PLXNB1: variants seen among roughly 807,000 people sequenced by gnomAD.
The protein encoded by PLXNB1 is plexin-B1.
In PLXNB1, 106 loss-of-function variants were observed where a neutral mutation model predicts 209.4. That is an observed-to-expected ratio of 0.51 (90% CI 0.43 to 0.59). The LOEUF (loss-of-function observed/expected upper bound fraction) is 0.59. Ranked by LOEUF, PLXNB1 falls within the 20% of genes least tolerant of loss-of-function variation. PLXNB1 has a pLI of 0.00. For missense variants in PLXNB1, 2,357 were observed against 2,853.2 expected, an observed-to-expected ratio of 0.83 and a Z score of 3.96; for synonymous variants, 1,167 against 1,183.2, an observed-to-expected ratio of 0.99 and a Z score of 0.28.
chr3:48,424,695 C>T, intron 2 of PLXNB1, 78 bp from the exon 3 acceptor site: 2 of 1,422,430 alleles, frequency 1.4e-6, no homozygotes, highest in Non-Finnish European at 1.9e-6. Flanking sequence ...AGGGATAGGA[C>T]TGTGGCATTG....
At chr3:48,427,910 G>A (rs539944042) in intron 1 of PLXNB1, among the ~76,000 whole-genome samples, 1 of 152,318 alleles carries the variant, frequency 6.6e-6, no homozygotes, top group South Asian at 2.1e-4. Context: ...AGATTTCCTA[G>A]TTGTACAATG....
chr3:48,427,850 G>A (rs567252828), intron 1 of PLXNB1, among the ~76,000 whole-genome samples: 126 of 152,314 alleles, frequency 8.3e-4, no homozygotes, highest in African/African-American at 2.7e-3. Flanking sequence ...GACACACCTA[G>A]CCACCACCCT....
At position 48,419,310 on chromosome 3, in the gene PLXNB1, G is replaced by A; in HGVS notation, c.2766C>T (p.Ser922=). 1.9e-6 allele frequency: 3 copies of A among 1,598,608 alleles called. No homozygotes were observed. Among genetic ancestry groups the A allele is most frequent in the South Asian group, 1.1e-5 (1 of 89,898 alleles). The change falls in exon 12 of 38, where the codon TCC becomes TCT. Residue 922 remains serine, a synonymous_variant. Coordinates refer to ENST00000296440, the MANE Select transcript of PLXNB1 (RefSeq NM_001130082.3). The surrounding 1 kb of genome is among the most constrained non-coding windows in gnomAD (Gnocchi z 5.7). ...GCTCCACATGGACCGGCATCAACGT[G>A]GAGCCCTGAACGCTCTCCACACAGG... ...SCPCVESVQG[S]TLMPVHVERE... is the part of the protein sequence containing the mutation.
In PLXNB1 at chr3:48,409,904, C is replaced by G; in HGVS notation, c.5778+1G>C. 1 of 1,609,324 alleles carries G rather than the reference C, an allele frequency of 6.2e-7. No homozygotes were observed. The highest frequency in any genetic ancestry group is 8.5e-7 in the Non-Finnish European group (1 of 1,178,112). On this transcript the variant is annotated splice_donor_variant, in intron 32 of 37. Coordinates refer to ENST00000296440, the MANE Select transcript of PLXNB1 (RefSeq NM_001130082.3). LOFTEE classifies it high-confidence loss of function. This position sits in a 1 kb window ranked among gnomAD's most constrained non-coding sequence, Gnocchi z 5.8. ...CCACTACCTTGGCAGCCCCACCCCA[C>G]CTTCATGGACAGCAGGCGGGTCAGG...
chr3:48,409,733 T>C lies in PLXNB1; in HGVS notation c.5779-2A>G. 1 of 1,612,942 alleles carries C rather than the reference T, an allele frequency of 6.2e-7. No individual in the cohort carries two copies. The highest frequency in any genetic ancestry group is 8.5e-7 in the Non-Finnish European group (1 of 1,179,630). On this transcript the variant is annotated splice_acceptor_variant, in intron 32 of 37. Coordinates refer to ENST00000296440, the MANE Select transcript of PLXNB1 (RefSeq NM_001130082.3). LOFTEE classifies it high-confidence loss of function. This position sits in a 1 kb window ranked among gnomAD's most constrained non-coding sequence, Gnocchi z 5.8. ...ATCCACGAACTTCTGCAGGGTGCCC[T>C]GTGGGAAGGAAGAAGCAGAGAGGTG...
rs1290754623 is a variant in PLXNB1 at position 48,410,448 on chromosome 3, C to T, written c.5520+7G>A. The T allele has an allele frequency of 5.0e-6, 8 of 1,613,354 alleles. No individual in the cohort carries two copies. The South Asian group carries it at 5.5e-5, about 11-fold the overall frequency. On this transcript the variant is annotated splice_region_variant and intron_variant, in intron 30 of 37. Transcript: ENST00000296440. This position sits in a 1 kb window ranked among gnomAD's most constrained non-coding sequence, Gnocchi z 6.4. ...CCATGCCCTCCTCCAGCTCCCACTC[C>T]TCCTACCTTGTAATGCTGCAGTGTG...
chr3:48,413,893 A>G lies in PLXNB1; in HGVS notation c.4386+2T>C. On this transcript the variant is annotated splice_donor_variant, in intron 22 of 37. Coordinates refer to ENST00000296440, the MANE Select transcript of PLXNB1 (RefSeq NM_001130082.3). LOFTEE classifies it high-confidence loss of function. This position sits in a 1 kb window ranked among gnomAD's most constrained non-coding sequence, Gnocchi z 5.4. ...AGCCCGGCCAGGGACCTGCCCACTGACCGTGAACTCAGGCAAAGAGTCAGG... is the reference window on the plus strand; with the variant it reads ...AGCCCGGCCAGGGACCTGCCCACTGGCCGTGAACTCAGGCAAAGAGTCAGG... 1 of 1,607,936 alleles carries G rather than the reference A, an allele frequency of 6.2e-7. No homozygotes were observed. The highest frequency in any genetic ancestry group is 8.5e-7 in the Non-Finnish European group (1 of 1,176,040).
rs60044671 is a variant in PLXNB1, at chr3:48,409,848, C to T, written c.5778+57G>A. ...AGCCCCACACCACCCCCAAATCCCA[C>T]GAGTGGCCATGCTCCCTCTCAGCCC... On this transcript the variant is annotated intron_variant, in intron 32 of 37. Transcript: ENST00000296440. This position sits in a 1 kb window ranked among gnomAD's most constrained non-coding sequence, Gnocchi z 5.8. 1.1e-5 allele frequency: 18 copies of T among 1,580,180 alleles called. No individual in the cohort carries two copies. The highest frequency in any genetic ancestry group is 6.8e-5 in the South Asian group (6 of 87,770).
chr3:48,429,266 C>A lies in PLXNB1; in HGVS notation c.-60+742G>T, dbSNP rs2039062951. On this transcript the variant is annotated intron_variant, in intron 1 of 37. Coordinates refer to ENST00000296440, the MANE Select transcript of PLXNB1 (RefSeq NM_001130082.3). The surrounding 1 kb of genome is among the most constrained non-coding windows in gnomAD (Gnocchi z 6.4). ...CCCCGCACTCACCACCCGGCCGGGC[C>A]CCGCGGGATGTGCGCGCCGAGGCGG... is the stretch of plus-strand genomic sequence containing the variant. 1 of 151,858 alleles carries A rather than the reference C, an allele frequency of 6.6e-6. No individual in the cohort carries two copies. The allele number at this position is 151,858 out of a possible 1,614,324, so 9.4% of individuals were successfully genotyped here.
Position 48,429,609 on chromosome 3 carries a change from C to A in PLXNB1, c.-60+399G>T, listed in dbSNP as rs2039085527. On this transcript the variant is annotated intron_variant, in intron 1 of 37. Transcript: ENST00000296440. The surrounding 1 kb of genome is among the most constrained non-coding windows in gnomAD (Gnocchi z 6.4). The stretch of plus-strand genomic sequence containing the variant: ...TCCAGCCCCGCGGGCTCCGCATCGG[C>A]CGAGGGCTGGGGACCCGACCCCTCC... 1 of 151,736 alleles carries A rather than the reference C, an allele frequency of 6.6e-6. No homozygotes were observed. The highest frequency in any genetic ancestry group is 1.5e-5 in the Non-Finnish European group (1 of 67,900). The allele number at this position is 151,736 out of a possible 1,614,324, so 9.4% of individuals were successfully genotyped here. A position where few individuals can be genotyped will look rare whatever the true frequency, so the allele number is the denominator to read the frequency against.
At chr3:48,407,215 C>G in intron 34 of PLXNB1, 124 bp from the exon 35 acceptor site, 1 of 859,738 alleles carries the variant, frequency 1.2e-6, no homozygotes, top group South Asian at 1.6e-5. Context: ...TCTCACATCC[C>G]AGGAAGCCCC....
intron 1 of PLXNB1, among the ~76,000 whole-genome samples, chr3:48,426,560 G>C (rs561744829): frequency 6.6e-6 from 1 of 152,340 alleles, no homozygotes; most frequent in East Asian, 1.9e-4. Flanking sequence ...AGGCTGCCCT[G>C]AAGTGAACAG....
In PLXNB1 at chr3:48,426,583, G is replaced by A. The variant is rs528961978; in HGVS notation, c.-59-1250C>T. Among the ~76,000 whole-genome samples the A allele has an allele frequency of 7.9e-5, 12 of 152,348 alleles. No individual in the cohort carries two copies. The East Asian group carries it at 2.3e-3, about 29-fold the overall frequency. The stretch of plus-strand genomic sequence containing the variant: ...CTGAAGTGAACAGGGCCGGGCACAA[G>A]GCTCAGGGGAGGGTCCAGCAGCCTG... On this transcript the variant is annotated intron_variant, in intron 1 of 37. Coordinates refer to ENST00000296440, the MANE Select transcript of PLXNB1 (RefSeq NM_001130082.3).
At position 48,409,586 on chromosome 3, in the gene PLXNB1, A is replaced by G. The variant is rs1402988061; in HGVS notation, c.5924T>C (p.Ile1975Thr). 1.2e-6 allele frequency: 2 copies of G among 1,613,542 alleles called. No homozygotes were observed. Among genetic ancestry groups the G allele is most frequent in the African/African-American group, 1.3e-5 (1 of 74,772 alleles). ...TCCACCCCACCTGTTGGTCTTCCAGATGTGGATGGTGTCCTGGTCGGAGAT... is the reference window on the plus strand; with the variant it reads ...TCCACCCCACCTGTTGGTCTTCCAGGTGTGGATGGTGTCCTGGTCGGAGAT... ...HGISDQDTIH[I>T]WKTNSLPLRF... Residue 1975 changes from isoleucine to threonine, a missense_variant, in exon 33 of 38, where the codon ATC (isoleucine) becomes ACC (threonine). Around this residue, in one of 7 missense-constraint regions of PLXNB1, gnomAD observed 414 missense variants for 520.5 expected, o/e 0.80. Coordinates refer to ENST00000296440, the MANE Select transcript of PLXNB1 (RefSeq NM_001130082.3). This position sits in a 1 kb window ranked among gnomAD's most constrained non-coding sequence, Gnocchi z 5.8.
At position 48,406,992 on chromosome 3, in the gene PLXNB1, G is replaced by A. The variant is rs556501307; in HGVS notation, c.6152+35C>T. 50 of 1,609,746 alleles carry A rather than the reference G, an allele frequency of 3.1e-5. 1 individual carries two copies. The South Asian group carries it at 3.2e-4, about 10-fold the overall frequency. On this transcript the variant is annotated intron_variant, in intron 35 of 37. Coordinates refer to ENST00000296440, the MANE Select transcript of PLXNB1 (RefSeq NM_001130082.3). This position sits in a 1 kb window ranked among gnomAD's most constrained non-coding sequence, Gnocchi z 4.4. ...CACCCCCCAAGCCTCAGCTGCACAC[G>A]CCCTCCAACCTCTACCCACCGTGCC...
rs745615637 is a variant in PLXNB1, at chr3:48,421,171, C to T, written c.1810+57G>A. 753 of 1,571,580 alleles carry T rather than the reference C, an allele frequency of 4.8e-4. 1 individual carries two copies. Among genetic ancestry groups the T allele is most frequent in the Non-Finnish European group, 6.3e-4 (729 of 1,157,252 alleles). ...TGCCTGGATTCACACTTTAACCCCA[C>T]CGCATCCCCTGAAGCAGGGGCTGGC... On this transcript the variant is annotated intron_variant, in intron 8 of 37. Transcript: ENST00000296440.
At chr3:48,424,643 T>G in intron 2 of PLXNB1, 26 bp from the exon 3 acceptor site, 1 of 1,527,928 alleles carries the variant, frequency 6.5e-7, no homozygotes, top group Non-Finnish European at 8.8e-7. Context: ...GTCGAGAGAG[T>G]GGGGCTCACG....
rs1460039369 is a variant in PLXNB1 at position 48,429,450 on chromosome 3, C to G, written c.-60+558G>C. On this transcript the variant is annotated intron_variant, in intron 1 of 37. Transcript: ENST00000296440. The surrounding 1 kb of genome is among the most constrained non-coding windows in gnomAD (Gnocchi z 6.4). ...CCGCCGGGAACAAAGGAGACAAAGC[C>G]GCGTCGGCCGGGCTCGTCTCCGCTC... 1 of 151,412 alleles carries G rather than the reference C, an allele frequency of 6.6e-6. No homozygotes were observed. Among genetic ancestry groups the G allele is most frequent in the Non-Finnish European group, 1.5e-5 (1 of 67,692 alleles). 9.4% of individuals were successfully genotyped at this position (151,412 alleles called of 1,614,324 possible). A position where few individuals can be genotyped will look rare whatever the true frequency, so the allele number is the denominator to read the frequency against.
rs752968167 is a variant in PLXNB1, at chr3:48,409,377, T to TGCAATGACAAGGA, written c.6026_6038dup (p.Gln2014ProfsTer64). ...GGGTGCAGGCGTCCATGAAGGTCTG[T>TGCAATGACAAGGA]GCAATGACAAGGAGCACCGCATCCA... On this transcript the variant is annotated frameshift_variant, in exon 34 of 38. Transcript: ENST00000296440. LOFTEE classifies it high-confidence loss of function. The surrounding 1 kb of genome is among the most constrained non-coding windows in gnomAD (Gnocchi z 5.8). The TGCAATGACAAGGA allele has an allele frequency of 6.2e-7, 1 of 1,614,128 alleles. No homozygotes were observed. Among genetic ancestry groups the TGCAATGACAAGGA allele is most frequent in the Non-Finnish European group, 8.5e-7 (1 of 1,180,034 alleles).
Sources: gnomAD v4.1 joint callset for allele counts (sites outside exome capture counted in the v4.1 genomes callset) on GRCh38, gnomAD v4.1.1 for gene constraint, gnomAD v4.1.1 regional missense constraint, Gnocchi (gnomAD v3.1) non-coding constraint, MANE v1.5 for transcripts, NCBI Gene and HGNC (gene_info 2026-07-23, HGNC 2026-07-21) for gene names.